The following NEDD9 variants were observed in gnomAD, a reference collection of about 807,000 sequenced individuals.
NEDD9 encodes the protein neural precursor cell expressed, developmentally down-regulated 9.
NEDD9 carries 26 observed loss-of-function variants against 76.6 expected under a neutral mutation model. That is an observed-to-expected ratio of 0.34 (90% CI 0.25 to 0.47). NEDD9 has a LOEUF of 0.47. NEDD9 is among the 20% of genes least tolerant of loss of function. The pLI, the probability that NEDD9 is intolerant of heterozygous loss-of-function variation, is 1.00. For synonymous variants in NEDD9, 392 were observed against 414.2 expected, an observed-to-expected ratio of 0.95 and a Z score of 0.65; for missense variants, 937 against 1,058.5, an observed-to-expected ratio of 0.89 and a Z score of 1.59.
intron 6 of NEDD9, among the ~76,000 whole-genome samples, 198 bp from the exon 7 acceptor site, chr6:11,185,869 T>G (rs1431951040): frequency 6.6e-6 from 1 of 152,204 alleles, no homozygotes; most frequent in Non-Finnish European, 1.5e-5. Context: ...ATCCTCAAGC[T>G]CAGACCTTCT....
chr6:11,204,231 C>T (rs917595065), intron 2 of NEDD9, among the ~76,000 whole-genome samples: 4 of 152,206 alleles, frequency 2.6e-5, no homozygotes, highest in Admixed American at 1.3e-4. Context: ...CAATGCCCTG[C>T]GGCCTACGCT....
chr6:11,260,213 C>T (rs1760080814), intron 3 of NEDD9, among the ~76,000 whole-genome samples: 1 of 152,106 alleles, frequency 6.6e-6, no homozygotes, highest in Non-Finnish European at 1.5e-5. Flanking sequence ...TGTTGGTATA[C>T]AGACAAAAAT....
chr6:11,285,691 T>C (rs1367206339), intron 3 of NEDD9, among the ~76,000 whole-genome samples: 1 of 152,132 alleles, frequency 6.6e-6, no homozygotes, highest in East Asian at 1.9e-4. Context: ...ATAAGTGGAA[T>C]AGAAAGAGGC....
chr6:11,258,368 T>A (rs1760045283), intron 3 of NEDD9: 1 of 152,246 alleles, frequency 6.6e-6, no homozygotes, highest in Non-Finnish European at 1.5e-5. Flanking sequence ...AAGGTGTGAA[T>A]GCTCTTCTCT....
At chr6:11,220,584 C>T (rs1581965537) in intron 1 of NEDD9, among the ~76,000 whole-genome samples, 1 of 152,226 alleles carries the variant, frequency 6.6e-6, no homozygotes, top group African/African-American at 2.4e-5. Context: ...CTCTTCCACA[C>T]TGGCCAATCC....
At chr6:11,254,004 G>A (rs187479509) in intron 3 of NEDD9, among the ~76,000 whole-genome samples, 33 of 152,198 alleles carry the variant, frequency 2.2e-4, no homozygotes, top group Admixed American at 2.1e-3. Context: ...AATACACGAT[G>A]GCCAATTACA....
chr6:11,319,881 C>G (rs1012729865), intron 2 of NEDD9, among the ~76,000 whole-genome samples: 58 of 152,360 alleles, frequency 3.8e-4, no homozygotes, highest in Non-Finnish European at 7.6e-4. Flanking sequence ...CTAACATGCA[C>G]ACATGCACAC....
Position 11,323,338 on chromosome 6 carries a change from T to A in NEDD9, c.-153+11163A>T, listed in dbSNP as rs575947740. Among the ~76,000 whole-genome samples, 4 of 152,312 alleles carry A rather than the reference T, an allele frequency of 2.6e-5. No homozygotes were observed. The East Asian group carries it at 7.7e-4, about 29-fold the overall frequency. On this transcript the variant is annotated intron_variant, in intron 2 of 3. Transcript: ENST00000397378. ...TAGTGCTAGAAGGAAGCCAAAGCAA[T>A]AAAGAGACACTTTCAGAAAAGCAGG...
At chr6:11,282,988 G>A (rs1479221913) in intron 3 of NEDD9, among the ~76,000 whole-genome samples, 7 of 152,186 alleles carry the variant, frequency 4.6e-5, no homozygotes, top group East Asian at 3.9e-4. Flanking sequence ...CCTCTCCAGC[G>A]ATCTCTTTAT....
intron 3 of NEDD9, among the ~76,000 whole-genome samples, chr6:11,281,036 C>G (rs1380703734): frequency 6.6e-6 from 1 of 152,192 alleles, no homozygotes. Context: ...CAAACACTAG[C>G]CTGAAAAGGA....
In NEDD9 at chr6:11,356,712, G is replaced by C. The variant is rs9380246; in HGVS notation, c.-213-22151C>G. ...TCTTGACTGGTCTCTTTAATCGTTG[G>C]CATCATCATAACCCACCCCCCCCAC... On this transcript the variant is annotated intron_variant, in intron 1 of 3. Transcript: ENST00000397378. Among the ~76,000 whole-genome samples, 257 of 150,040 alleles carry C rather than the reference G, an allele frequency of 1.7e-3. 1 individual carries two copies. Among genetic ancestry groups the C allele is most frequent in the African/African-American group, 5.9e-3 (239 of 40,604 alleles).
chr6:11,319,834 A>T (rs1278661064), intron 2 of NEDD9, among the ~76,000 whole-genome samples: 3 of 138,040 alleles, frequency 2.2e-5, no homozygotes, highest in African/African-American at 5.8e-5. Context: ...AAGCAAATAC[A>T]CTCACGCACT....
chr6:11,234,983 A>T (rs1759569618), upstream of NEDD9, among the ~76,000 whole-genome samples: 1 of 152,164 alleles, frequency 6.6e-6, no homozygotes, highest in Non-Finnish European at 1.5e-5. Flanking sequence ...AAGTGCTGGG[A>T]TTACAGGCGT....
At chr6:11,296,978 C>G (rs1391445936) in intron 3 of NEDD9, among the ~76,000 whole-genome samples, 1 of 152,216 alleles carries the variant, frequency 6.6e-6, no homozygotes, top group Non-Finnish European at 1.5e-5. Flanking sequence ...GTCCACCCAC[C>G]TCGGCCTCCC....
intron 3 of NEDD9, among the ~76,000 whole-genome samples, chr6:11,275,487 A>C (rs1352362631): frequency 6.6e-6 from 1 of 152,196 alleles, no homozygotes. Context: ...CATTCAAAAG[A>C]TCATGCTGTA....
At chr6:11,212,441 G>A (rs747121353) in intron 2 of NEDD9, among the ~76,000 whole-genome samples, 1 of 152,168 alleles carries the variant, frequency 6.6e-6, no homozygotes, top group Non-Finnish European at 1.5e-5. Context: ...GGCAATGTAA[G>A]CATCACCAGG....
intron 3 of NEDD9, among the ~76,000 whole-genome samples, chr6:11,268,485 T>C (rs1490351412): frequency 6.6e-6 from 1 of 151,448 alleles, no homozygotes; most frequent in African/African-American, 2.4e-5. Context: ...CCCAGCACTT[T>C]GGGAGGCCGA....
intron 2 of NEDD9, among the ~76,000 whole-genome samples, chr6:11,321,160 G>A (rs969475387): frequency 4.9e-5 from 5 of 101,570 alleles, no homozygotes; most frequent in African/African-American, 2.1e-4. Context: ...AAGGAAGGAG[G>A]GAGGGAAAGA....
At chr6:11,277,522 A>G (rs1431177001) in intron 3 of NEDD9, among the ~76,000 whole-genome samples, 2 of 152,286 alleles carry the variant, frequency 1.3e-5, no homozygotes, top group East Asian at 3.9e-4. Flanking sequence ...AGGCATGGGC[A>G]GGGGGTGGAA....
Sources: gnomAD v4.1 joint callset for allele counts (sites outside exome capture counted in the v4.1 genomes callset) on GRCh38, gnomAD v4.1.1 for gene constraint, MANE v1.5 for transcripts, NCBI Gene and HGNC (gene_info 2026-07-23, HGNC 2026-07-21) for gene names.